LEMD1: variants seen among roughly 807,000 people sequenced by gnomAD.
The protein encoded by LEMD1 is LEM domain-containing protein 1.
In LEMD1, 18 loss-of-function variants were observed where a neutral mutation model predicts 17.4. The ratio of observed to expected loss-of-function variants is 1.04; its 90% CI spans 0.72 to 1.54. The LOEUF (loss-of-function observed/expected upper bound fraction) is 1.54, where lower values mean the gene tolerates loss of function less well. Among genes scored for constraint, LEMD1 ranks in the 40% most tolerant of loss-of-function variants. The pLI is 0.00. For missense variants in LEMD1, 195 were observed against 210.4 expected, an observed-to-expected ratio of 0.93 and a Z score of 0.45; for synonymous variants, 88 against 77.8, an observed-to-expected ratio of 1.13 and a Z score of -0.69.
intron 1 of LEMD1, among the ~76,000 whole-genome samples, chr1:205,443,397 T>TG (rs35651957): frequency 0.76 from 115,995 of 151,940 alleles, 45,116 homozygotes; most frequent in East Asian, 0.99. Context: ...CAGGGTCCTT[T>TG]GGGGAATTTA....
Position 205,421,114 on chromosome 1 carries a change from C to T in LEMD1, c.-38-540G>A, listed in dbSNP as rs184608333. On this transcript the variant is annotated intron_variant, in intron 1 of 5. Transcript: ENST00000367153. ...CAAGATGGTAGTTTTTAATTAACCA[C>T]CAACAGACTTAGTAATTGCTGAATT... Among the ~76,000 whole-genome samples, 19 of 152,128 alleles carry T rather than the reference C, an allele frequency of 1.2e-4. No homozygotes were observed. The East Asian group carries it at 3.7e-3, about 29-fold the overall frequency.
chr1:205,397,390 A>G (rs139329512), intron 4 of LEMD1, among the ~76,000 whole-genome samples: 52 of 152,314 alleles, frequency 3.4e-4, no homozygotes, highest in African/African-American at 1.1e-3. Context: ...TCTGTGAGAT[A>G]AATCACATAG....
intron 4 of LEMD1, among the ~76,000 whole-genome samples, chr1:205,401,057 T>C (rs1253196043): frequency 2.2e-4 from 34 of 151,698 alleles, no homozygotes; most frequent in Non-Finnish European, 4.7e-4. Context: ...TAGTATTCCA[T>C]GGTGTATATG....
At position 205,419,304 on chromosome 1, in the gene LEMD1, G is replaced by T; in HGVS notation, c.131C>A (p.Ser44Ter). The T allele has an allele frequency of 1.2e-6, 2 of 1,614,184 alleles. No individual in the cohort carries two copies. The highest frequency in any genetic ancestry group is 1.7e-6 in the Non-Finnish European group (2 of 1,179,990). The change falls in exon 3 of 6, where the codon TCA becomes TAA. Residue 44 changes from serine (S) to a stop codon, truncating the protein, a stop_gained. Coordinates refer to ENST00000367153, the MANE Select transcript of LEMD1 (RefSeq NM_001199050.2). LOFTEE classifies it high-confidence loss of function. ...YEKKLVQLLVSPPCAPPVMNG... is the reference protein window; with the variant it reads ...YEKKLVQLLV Reference sequence around the variant, plus strand: ...CATCACAGGTGGTGCACAGGGAGGTGAGACCAACAACTGTACTAACTTTTT... The same window carrying T: ...CATCACAGGTGGTGCACAGGGAGGTTAGACCAACAACTGTACTAACTTTTT...
At chr1:205,383,016 T>C (rs1663796946) in intron 5 of LEMD1, among the ~76,000 whole-genome samples, 1 of 152,222 alleles carries the variant, frequency 6.6e-6, no homozygotes, top group Non-Finnish European at 1.5e-5. Context: ...TTTGAACTAC[T>C]TACTCTTTTT....
chr1:205,447,811 G>A (rs376931389), intron 1 of LEMD1, among the ~76,000 whole-genome samples: 2 of 152,106 alleles, frequency 1.3e-5, no homozygotes, highest in African/African-American at 2.4e-5. Context: ...CCTCGTGGCC[G>A]GCATGGAGTG....
intron 1 of LEMD1, among the ~76,000 whole-genome samples, chr1:205,446,100 C>T (rs751975267): frequency 3.9e-5 from 6 of 152,228 alleles, no homozygotes; most frequent in Non-Finnish European, 7.3e-5. Flanking sequence ...ACAGGACACA[C>T]ACAGCCCTCT....
intron 4 of LEMD1, chr1:205,386,735 CT>C (rs1664049784): frequency 6.6e-6 from 1 of 152,186 alleles, no homozygotes; most frequent in Admixed American, 6.5e-5. Context: ...CGTGTAGACA[CT>C]GTAGATTTAC....
At chr1:205,405,496 G>T (rs1375265350) in intron 4 of LEMD1, among the ~76,000 whole-genome samples, 1 of 143,134 alleles carries the variant, frequency 7.0e-6, no homozygotes, top group East Asian at 1.9e-4. Context: ...GATCGCATCG[G>T]CTCCTGAGGC....
At chr1:205,415,285 G>GA (rs2102424950) in intron 4 of LEMD1, among the ~76,000 whole-genome samples, 1 of 152,232 alleles carries the variant, frequency 6.6e-6, no homozygotes, top group African/African-American at 2.4e-5. Context: ...GAAAGAGAAG[G>GA]AAAAGGGAGG....
chr1:205,401,886 G>A (rs904751733), intron 4 of LEMD1, among the ~76,000 whole-genome samples: 6 of 152,142 alleles, frequency 3.9e-5, no homozygotes, highest in Non-Finnish European at 8.8e-5. Context: ...TGTATAATGT[G>A]TAAGGAAGGG....
At chr1:205,416,550 G>C (rs1425155660) in intron 3 of LEMD1, among the ~76,000 whole-genome samples, 1 of 152,130 alleles carries the variant, frequency 6.6e-6, no homozygotes, top group Non-Finnish European at 1.5e-5. Flanking sequence ...ACACAAGCTG[G>C]CTGCCCATCT....
intron 4 of LEMD1, among the ~76,000 whole-genome samples, chr1:205,398,862 C>T (rs144597994): frequency 2.6e-5 from 4 of 152,102 alleles, no homozygotes; most frequent in African/African-American, 4.8e-5. Context: ...GACATAGTTA[C>T]GGGTGATACA....
chr1:205,396,526 G>GA (rs1276469997), intron 4 of LEMD1, among the ~76,000 whole-genome samples: 3 of 152,088 alleles, frequency 2.0e-5, no homozygotes, highest in African/African-American at 4.8e-5. Context: ...GTTTGTGTTA[G>GA]AAAAATTTGA....
At chr1:205,402,003 A>G (rs1464588090) in intron 4 of LEMD1, among the ~76,000 whole-genome samples, 3 of 152,098 alleles carry the variant, frequency 2.0e-5, no homozygotes, top group East Asian at 3.8e-4. Context: ...GTCAAAGATC[A>G]GATAGTTGTA....
intron 1 of LEMD1, among the ~76,000 whole-genome samples, chr1:205,445,063 C>A (rs994954324): frequency 6.6e-6 from 1 of 152,164 alleles, no homozygotes; most frequent in Non-Finnish European, 1.5e-5. Flanking sequence ...TTCATCACTG[C>A]GAAGGGAAGC....
At chr1:205,394,980 C>A (rs866461469) in intron 4 of LEMD1, among the ~76,000 whole-genome samples, 1 of 150,518 alleles carries the variant, frequency 6.6e-6, no homozygotes, top group Non-Finnish European at 1.5e-5. Context: ...CAGTGAGACT[C>A]CTTCTCAAAA....
At chr1:205,432,780 A>G (rs1666144178) in intron 1 of LEMD1, among the ~76,000 whole-genome samples, 1 of 152,018 alleles carries the variant, frequency 6.6e-6, no homozygotes, top group Non-Finnish European at 1.5e-5. Context: ...AGGCCAAGGC[A>G]GGAGGATAGC....
At chr1:205,397,463 G>A (rs1377181047) in intron 4 of LEMD1, among the ~76,000 whole-genome samples, 2 of 152,178 alleles carry the variant, frequency 1.3e-5, no homozygotes, top group South Asian at 2.1e-4. Flanking sequence ...GTAAAAATTA[G>A]CAGGGTGTGG....
Sources: gnomAD v4.1 joint callset for allele counts (sites outside exome capture counted in the v4.1 genomes callset) on GRCh38, gnomAD v4.1.1 for gene constraint, MANE v1.5 for transcripts, NCBI Gene and HGNC (gene_info 2026-07-23, HGNC 2026-07-21) for gene names.